CSF2RA: variants seen among roughly 807,000 people sequenced by gnomAD.
CSF2RA encodes the protein granulocyte-macrophage colony-stimulating factor receptor subunit alpha.
CSF2RA carries 42 observed loss-of-function variants against 51.6 expected under a neutral mutation model. The observed-to-expected ratio is 0.81, with a 90% CI of 0.64 to 1.05. The LOEUF is 1.05. Ranked by LOEUF, CSF2RA falls within the 50% of genes least tolerant of loss-of-function variation. CSF2RA has a pLI of 0.00. For missense variants in CSF2RA, 530 were observed against 501.1 expected (o/e 1.06, Z -0.55); for synonymous variants, 222 against 193.0 (o/e 1.15, Z -1.24).
chrX:1,301,806 G>GT (rs1430734748), intron 10 of CSF2RA, among the ~76,000 whole-genome samples: 1 of 148,748 alleles, frequency 6.7e-6, no homozygotes, highest in Non-Finnish European at 1.5e-5. Context: ...GGGTTTCACT[G>GT]TTTTTTAGCC....
intron 11 of CSF2RA, among the ~76,000 whole-genome samples, chrX:1,305,028 C>G (rs1332636705): frequency 7.2e-6 from 1 of 139,070 alleles, no homozygotes; most frequent in Non-Finnish European, 1.6e-5. Flanking sequence ...GAGTCTCACT[C>G]TGTCACCCAG....
At chrX:1,291,738 C>T (rs2091418137) in intron 7 of CSF2RA, among the ~76,000 whole-genome samples, 2 of 151,626 alleles carry the variant, frequency 1.3e-5, no homozygotes, top group South Asian at 4.2e-4. Context: ...CCAGTGTAGA[C>T]AGGAGGAGAC....
At position 1,288,601 on chromosome X, in the gene CSF2RA, G is replaced by A. The variant is rs1341905354; in HGVS notation, c.302G>A (p.Ser101Asn). Residue 101 changes from serine to asparagine, a missense_variant, in exon 5 of 13, where the codon AGT (serine) becomes AAT (asparagine). By Grantham distance (46) the Ser-to-Asn change is conservative. Coordinates refer to ENST00000381529, the MANE Select transcript of CSF2RA (RefSeq NM_172245.4). ...GVTFEVHVNTSQRGFQQKLLY... is the reference protein window; with the variant it reads ...GVTFEVHVNTNQRGFQQKLLY... ...ACATTTGAGGTTCACGTGAATACTA[G>A]TCAAAGAGGATTTCAACAGAAACTG... 2.5e-6 allele frequency: 4 copies of A among 1,613,958 alleles called. No homozygotes were observed. Among genetic ancestry groups the A allele is most frequent in the East Asian group, 2.2e-5 (1 of 44,880 alleles).
intron 3 of CSF2RA, among the ~76,000 whole-genome samples, chrX:1,284,267 G>A (rs1310261221): frequency 1.4e-5 from 2 of 141,442 alleles, no homozygotes; most frequent in African/African-American, 5.2e-5. Flanking sequence ...GCAGTGGCGT[G>A]ATCTCGGCTC....
intron 10 of CSF2RA, among the ~76,000 whole-genome samples, chrX:1,301,806 GTT>G (rs1430734748): frequency 3.2e-4 from 48 of 148,824 alleles, no homozygotes; most frequent in Admixed American, 2.7e-3. Flanking sequence ...GGGTTTCACT[GTT>G]TTTTAGCCAG....
At chrX:1,306,926 T>G (rs1366829988) in intron 12 of CSF2RA, among the ~76,000 whole-genome samples, 6 of 129,522 alleles carry the variant, frequency 4.6e-5, no homozygotes, top group African/African-American at 6.0e-5. Flanking sequence ...GAGAGACAGA[T>G]GGAGGAAAAA....
At position 1,294,181 on chromosome X, in the gene CSF2RA, C is replaced by G. The variant is rs111232301; in HGVS notation, c.647-147C>G. Reference sequence around the variant, plus strand: ...AGTCAAAGAGGTGTCCCTACTCCACCTCCACCTGGACCCAGTGTAGACAGG... The same window carrying G: ...AGTCAAAGAGGTGTCCCTACTCCACGTCCACCTGGACCCAGTGTAGACAGG... On this transcript the variant is annotated intron_variant, in intron 7 of 12. Transcript: ENST00000381529. The G allele has an allele frequency of 1.9e-3, 1,866 of 982,640 alleles. 13 individuals are homozygous for G. The African/African-American group carries it at 0.024, about 13-fold the overall frequency. The allele number at this position is 982,640 out of a possible 1,614,324, so 60.9% of individuals were successfully genotyped here.
intron 9 of CSF2RA, among the ~76,000 whole-genome samples, chrX:1,296,047 G>A (rs1449166222): frequency 6.9e-6 from 1 of 145,902 alleles, no homozygotes; most frequent in Non-Finnish European, 1.5e-5. Context: ...ATGACCCCTA[G>A]CGTAACCATA....
chrX:1,273,757 T>G (rs1687485567), intron 1 of CSF2RA, among the ~76,000 whole-genome samples: 1 of 79,278 alleles, frequency 1.3e-5, no homozygotes, highest in Admixed American at 1.5e-4. Flanking sequence ...ATTTTTTTTT[T>G]TTTTTTTGTA....
chrX:1,281,267 CCTGCTCCTT>C (rs2090018624), intron 2 of CSF2RA, among the ~76,000 whole-genome samples: 1 of 137,710 alleles, frequency 7.3e-6, no homozygotes, highest in Non-Finnish European at 1.6e-5. Context: ...TTCTCCTCCT[CCTGCTCCTT>C]CTCCTCCTCT....
intron 2 of CSF2RA, among the ~76,000 whole-genome samples, chrX:1,280,328 T>G (rs2089728651): frequency 6.6e-6 from 1 of 151,784 alleles, no homozygotes; most frequent in Non-Finnish European, 1.5e-5. Context: ...AAAATTAGCC[T>G]GGCATAATGG....
At chrX:1,301,885 C>A (rs746255027) in intron 10 of CSF2RA, among the ~76,000 whole-genome samples, 404 of 146,146 alleles carry the variant, frequency 2.8e-3, no homozygotes, top group Non-Finnish European at 4.6e-3. Flanking sequence ...GGATTACAGG[C>A]GTGAGCCACC....
Position 1,300,640 on chromosome X carries a change from G to A in CSF2RA, c.946+14G>A, listed in dbSNP as rs775605126. On this transcript the variant is annotated intron_variant, in intron 10 of 12. Coordinates refer to ENST00000381529, the MANE Select transcript of CSF2RA (RefSeq NM_172245.4). ...CCATTGAATTTGGTAAGCGTTGGGC[G>A]GAGGTAAGGGATGTTTGTGCCGTCT... The A allele has an allele frequency of 2.0e-5, 33 of 1,613,762 alleles. No homozygotes were observed. The highest frequency in any genetic ancestry group is 1.1e-4 in the South Asian group (10 of 91,068).
intron 1 of CSF2RA, among the ~76,000 whole-genome samples, chrX:1,272,678 A>T (rs2088595576): frequency 6.6e-6 from 1 of 151,090 alleles, no homozygotes; most frequent in African/African-American, 2.4e-5. Context: ...TTTAGTAGAG[A>T]CGGGGTTTCA....
chrX:1,297,655 T>A (rs1381563704), intron 9 of CSF2RA, among the ~76,000 whole-genome samples: 2 of 58,112 alleles, frequency 3.4e-5, no homozygotes, highest in Non-Finnish European at 7.0e-5. Flanking sequence ...TCATGACCCC[T>A]GGAGTAACCC....
At chrX:1,310,969 C>T (rs190121271), downstream of CSF2RA, among the ~76,000 whole-genome samples, 13 of 151,850 alleles carry the variant, frequency 8.6e-5, no homozygotes, top group South Asian at 2.1e-4. Flanking sequence ...GGCTGGTGCC[C>T]GGGCATGGTG....
intron 4 of CSF2RA, chrX:1,287,049 T>C (rs1174092591): frequency 6.6e-6 from 1 of 151,672 alleles, no homozygotes; most frequent in Non-Finnish European, 1.5e-5. Context: ...TATTGACTGA[T>C]AGGTGATAAT....
chrX:1,314,832 GCACTGCACCTGCCCAATCC>G (rs1405996532), downstream of CSF2RA, among the ~76,000 whole-genome samples: 12 of 48,752 alleles, frequency 2.5e-4, 2 homozygotes, highest in African/African-American at 1.2e-3. Context: ...CTGCCCAACC[GCACTGCACCTGCCCAATCC>G]CACTGCACCT....
chrX:1,289,066 A>G, intron 6 of CSF2RA, 178 bp downstream of exon 6: 1 of 770,336 alleles, frequency 1.3e-6, no homozygotes, highest in South Asian at 1.7e-5. Flanking sequence ...GGTTCAAGCA[A>G]TTTTCCTGCC....
Sources: allele counts gnomAD v4.1 joint callset (sites outside exome capture counted in the v4.1 genomes callset), GRCh38; gene constraint gnomAD v4.1.1; transcripts MANE v1.5; gene names NCBI Gene and HGNC (gene_info 2026-07-23, HGNC 2026-07-21).